Variants in CSMD1 observed in about 807,000 individuals in gnomAD.
CSMD1 encodes the protein CUB and sushi domain-containing protein 1.
In CSMD1, 213 loss-of-function variants were observed where a neutral mutation model predicts 417.5. The ratio of observed to expected loss-of-function variants is 0.51; its 90% confidence interval spans 0.46 to 0.57. The LOEUF (loss-of-function observed/expected upper bound fraction) is 0.57. Among genes scored for constraint, CSMD1 ranks in the 20% least tolerant of loss-of-function variants. The probability of loss-of-function intolerance (pLI) is 0.00; values close to 1 mark genes in which losing one functional copy is unlikely to be tolerated. For synonymous variants in CSMD1, 2,862 were observed against 1,736.8 expected (o/e 1.65, Z -16.11); for missense variants, 6,923 against 4,529.7 (o/e 1.53, Z -15.17).
chr8:3,635,346 C>A (rs1325195469), intron 7 of CSMD1, among the ~76,000 whole-genome samples: 1 of 151,996 alleles, frequency 6.6e-6, no homozygotes, highest in Non-Finnish European at 1.5e-5. Flanking sequence ...AAGTGGTGCA[C>A]ACCTGTAATC....
chr8:4,740,300 G>C (rs1305747618), intron 1 of CSMD1, among the ~76,000 whole-genome samples: 1 of 152,098 alleles, frequency 6.6e-6, no homozygotes, highest in African/African-American at 2.4e-5. Context: ...TTATTATAGG[G>C]TCTTACATTT....
Position 3,931,350 on chromosome 8 carries a change from T to C in CSMD1, c.818+66553A>G, listed in dbSNP as rs554892999. ...GTCAGCAGAAAAGGGCCACTCTCTCTCCCTCCCTCATTTCTCAGGCTTCTA... is the reference window on the plus strand; with the variant it reads ...GTCAGCAGAAAAGGGCCACTCTCTCCCCCTCCCTCATTTCTCAGGCTTCTA... On this transcript the variant is annotated intron_variant, in intron 5 of 69. Transcript: ENST00000635120. Among the ~76,000 whole-genome samples the C allele has an allele frequency of 4.4e-4, 67 of 150,654 alleles. 4 individuals carry two copies. Among genetic ancestry groups the C allele is most frequent in the African/African-American group, 1.6e-3 (65 of 40,918 alleles).
chr8:3,950,507 C>G (rs1811530072), intron 5 of CSMD1, among the ~76,000 whole-genome samples: 1 of 152,198 alleles, frequency 6.6e-6, no homozygotes, highest in African/African-American at 2.4e-5. Context: ...TCTGCAGACT[C>G]CGTCCACTTG....
intron 10 of CSMD1, among the ~76,000 whole-genome samples, chr8:3,555,885 G>A (rs1230839238): frequency 6.6e-6 from 1 of 152,012 alleles, no homozygotes; most frequent in African/African-American, 2.4e-5. Flanking sequence ...TACTGTTTAG[G>A]GTTCCAGAAG....
chr8:3,354,935 A>ATCTATC (rs1295938376), intron 21 of CSMD1, among the ~76,000 whole-genome samples: 13 of 65,944 alleles, frequency 2.0e-4, no homozygotes, highest in African/African-American at 5.8e-4. Flanking sequence ...ATAGATATAG[A>ATCTATC]TATATATAGA....
chr8:3,625,294 A>C (rs1037957705), intron 7 of CSMD1, among the ~76,000 whole-genome samples: 3 of 152,158 alleles, frequency 2.0e-5, no homozygotes, highest in Non-Finnish European at 4.4e-5. Context: ...TATTGCTTTT[A>C]TACGTATTGT....
At chr8:4,024,273 C>G (rs190682707) in intron 4 of CSMD1, among the ~76,000 whole-genome samples, 4 of 151,978 alleles carry the variant, frequency 2.6e-5, no homozygotes, top group African/African-American at 9.7e-5. Flanking sequence ...AAGTTCACAA[C>G]GGATAAAGCA....
At chr8:4,200,905 C>G (rs1210979173) in intron 3 of CSMD1, among the ~76,000 whole-genome samples, 1 of 152,122 alleles carries the variant, frequency 6.6e-6, no homozygotes, top group Non-Finnish European at 1.5e-5. Context: ...AAACGCTAAG[C>G]TAGTTTAAAG....
intron 5 of CSMD1, among the ~76,000 whole-genome samples, chr8:3,783,255 C>T (rs945451664): frequency 1.7e-4 from 26 of 152,176 alleles, no homozygotes; most frequent in African/African-American, 5.6e-4. Flanking sequence ...TAGGTGCTCC[C>T]GGAAAAACTG....
chr8:4,332,293 C>T (rs895729549), intron 3 of CSMD1, among the ~76,000 whole-genome samples: 1 of 152,090 alleles, frequency 6.6e-6, no homozygotes, highest in Non-Finnish European at 1.5e-5. Flanking sequence ...CCAAGCCTCT[C>T]TTGGAGATGC....
At chr8:4,041,085 C>G (rs564660841) in intron 3 of CSMD1, among the ~76,000 whole-genome samples, 3 of 139,632 alleles carry the variant, frequency 2.1e-5, no homozygotes, top group South Asian at 2.2e-4. Flanking sequence ...GGCGCGATCT[C>G]GGCTCACTGC....
intron 1 of CSMD1, among the ~76,000 whole-genome samples, chr8:4,834,800 C>CA (rs1800362584): frequency 1.3e-5 from 2 of 150,484 alleles, no homozygotes; most frequent in African/African-American, 2.4e-5. Flanking sequence ...ACTAAAAACA[C>CA]AAAAAAATTA....
At chr8:3,293,412 G>T (rs934857126) in intron 25 of CSMD1, among the ~76,000 whole-genome samples, 1 of 152,162 alleles carries the variant, frequency 6.6e-6, no homozygotes, top group Non-Finnish European at 1.5e-5. Context: ...TTAATATCCT[G>T]CAGAGTGTTT....
At chr8:3,678,001 G>C (rs893457231) in intron 7 of CSMD1, among the ~76,000 whole-genome samples, 1 of 152,112 alleles carries the variant, frequency 6.6e-6, no homozygotes, top group Non-Finnish European at 1.5e-5. Flanking sequence ...TCCATCTGGG[G>C]TGTCTGCCTA....
chr8:3,680,220 A>C (rs895834080), intron 7 of CSMD1, among the ~76,000 whole-genome samples: 1 of 152,164 alleles, frequency 6.6e-6, no homozygotes, highest in African/African-American at 2.4e-5. Flanking sequence ...ATACAAAAAA[A>C]CCCTTCAAAA....
chr8:4,210,513 T>G (rs2131285144), intron 3 of CSMD1, among the ~76,000 whole-genome samples: 2 of 152,334 alleles, frequency 1.3e-5, no homozygotes, highest in East Asian at 3.9e-4. Context: ...CTCTTATATC[T>G]TAGTGTGAAA....
At chr8:4,181,449 C>G (rs1284966544) in intron 3 of CSMD1, among the ~76,000 whole-genome samples, 2 of 151,782 alleles carry the variant, frequency 1.3e-5, no homozygotes, top group East Asian at 1.9e-4. Flanking sequence ...AAAGAACTGT[C>G]TTGGGTCACA....
At chr8:3,955,146 G>C (rs745759819) in intron 5 of CSMD1, among the ~76,000 whole-genome samples, 1 of 152,168 alleles carries the variant, frequency 6.6e-6, no homozygotes, top group African/African-American at 2.4e-5. Context: ...GTAACGGGAA[G>C]ACAGAAGCAC....
chr8:3,176,660 C>T (rs1312338030), intron 37 of CSMD1, among the ~76,000 whole-genome samples: 1 of 152,200 alleles, frequency 6.6e-6, no homozygotes, highest in Non-Finnish European at 1.5e-5. Context: ...ATCCCTCCCA[C>T]TTTAACAACG....
Sources: gnomAD v4.1 joint callset for allele counts (sites outside exome capture counted in the v4.1 genomes callset) on GRCh38, gnomAD v4.1.1 for gene constraint, MANE v1.5 for transcripts, NCBI Gene and HGNC (gene_info 2026-07-23, HGNC 2026-07-21) for gene names.